Variants in TMEM130 observed in about 807,000 individuals in gnomAD.
TMEM130 encodes the protein transmembrane protein 130.
A neutral mutation model predicts 42.9 loss-of-function variants in TMEM130; 37 were observed. The observed-to-expected ratio is 0.86, with a 90% CI of 0.66 to 1.13. The LOEUF (loss-of-function observed/expected upper bound fraction) is 1.13. Among genes scored for constraint, TMEM130 ranks in the 50% most tolerant of loss-of-function variants. TMEM130 has a pLI of 0.00. For missense variants in TMEM130, 545 were observed against 562.6 expected (o/e 0.97, Z 0.32); for synonymous variants, 259 against 237.7 (o/e 1.09, Z -0.82).
chr7:98,869,057 C>A lies in TMEM130; in HGVS notation c.85+720G>T, dbSNP rs1376423618. On this transcript the variant is annotated intron_variant, in intron 1 of 7. Coordinates refer to ENST00000339375, the MANE Select transcript of TMEM130 (RefSeq NM_152913.3). This position sits in a 1 kb window ranked among gnomAD's most constrained non-coding sequence, Gnocchi z 4.7. ...TCAACCTTCTTAGCTGCCCACGTCCCATCTGTCCCTCGAATAGTCTTAAAT... is the reference window on the plus strand; with the variant it reads ...TCAACCTTCTTAGCTGCCCACGTCCAATCTGTCCCTCGAATAGTCTTAAAT... 15 of 606,556 alleles carry A rather than the reference C, an allele frequency of 2.5e-5. No individual in the cohort carries two copies. In the African/African-American group the frequency reaches 3.0e-4, roughly 12 times the overall value. The allele number at this position is 606,556 out of a possible 1,614,324, so 37.6% of individuals were successfully genotyped here.
chr7:98,848,541 G>T, intron 7 of TMEM130, 42 bp downstream of exon 7: 1 of 1,368,908 alleles, frequency 7.3e-7, no homozygotes, highest in Non-Finnish European at 1.0e-6. Flanking sequence ...TCCTCTCTAG[G>T]CAAGGCCCAG....
rs1794991471 is a variant in TMEM130, at chr7:98,869,812, C to T, written c.50G>A (p.Cys17Tyr). 6.9e-7 allele frequency: 1 copy of T among 1,443,632 alleles called. No individual in the cohort carries two copies. The highest frequency in any genetic ancestry group is 9.1e-7 in the Non-Finnish European group (1 of 1,098,994). The allele number at this position is 1,443,632 out of a possible 1,614,324, so 89.4% of individuals were successfully genotyped here. Residue 17 changes from cysteine (C) to tyrosine (Y), a missense_variant, in exon 1 of 8, where the codon TGC becomes TAC. Transcript: ENST00000339375. This position sits in a 1 kb window ranked among gnomAD's most constrained non-coding sequence, Gnocchi z 4.7. ...SRLGRILWLA[C>Y]LLPWAPAGVA... ...CCCTGCCGGGGCCCAGGGCAGGAGG[C>T]AGGCAAGCCAGAGGATGCGGCCGAG...
At chr7:98,850,273 A>ATATATATATATATATTTTTTTTTTTTTTT in intron 6 of TMEM130, among the ~76,000 whole-genome samples, 5 of 35,462 alleles carry the variant, frequency 1.4e-4, no homozygotes, top group Non-Finnish European at 1.9e-4. Flanking sequence ...ATATATATAT[A>ATATATATATATATATTTTTTTTTTTTTTT]TTTTTTTTTT....
In TMEM130 at chr7:98,863,167, C is replaced by G. The variant is rs782267274; in HGVS notation, c.319G>C (p.Val107Leu). ...GHVPGEFPVS[V>L]WVTAADCWMC... ...CAGCAGTCAGCGGCAGTGACCCAGACAGAGACCGGGAATTCCCCGGGCACG... is the reference window on the plus strand; with the variant it reads ...CAGCAGTCAGCGGCAGTGACCCAGAGAGAGACCGGGAATTCCCCGGGCACG... Residue 107 changes from valine to leucine, a missense_variant, in exon 2 of 8, where the codon GTC (valine) becomes CTC (leucine). Physicochemically the swap from Val to Leu is conservative, Grantham distance 32 (BLOSUM62 1). Transcript: ENST00000339375. 6 of 1,614,104 alleles carry G rather than the reference C, an allele frequency of 3.7e-6. No individual in the cohort carries two copies. The highest frequency in any genetic ancestry group is 2.2e-5 in the South Asian group (2 of 91,084).
In TMEM130 at chr7:98,869,221, C is replaced by T. The variant is rs1353388875; in HGVS notation, c.85+556G>A. On this transcript the variant is annotated intron_variant, in intron 1 of 7. Transcript: ENST00000339375. The surrounding 1 kb of genome is among the most constrained non-coding windows in gnomAD (Gnocchi z 4.7). The stretch of plus-strand genomic sequence containing the variant: ...CACACACACCCCAGGAACCTGTCAG[C>T]TCCGGGTCCATTTTGGAAATCACCA... The T allele has an allele frequency of 1.6e-6, 2 of 1,288,916 alleles. No homozygotes were observed. Among genetic ancestry groups the T allele is most frequent in the African/African-American group, 3.0e-5 (2 of 65,820 alleles). The allele number at this position is 1,288,916 out of a possible 1,614,324, so 79.8% of individuals were successfully genotyped here. A position where few individuals can be genotyped will look rare whatever the true frequency, so the allele number is the denominator to read the frequency against.
chr7:98,863,782 CCCT>C (rs1194899592), intron 1 of TMEM130, among the ~76,000 whole-genome samples: 3 of 147,820 alleles, frequency 2.0e-5, no homozygotes, highest in Non-Finnish European at 3.0e-5. Flanking sequence ...CTCTCTCCCT[CCCT>C]CCTCTCTTTT....
chr7:98,850,186 A>G (rs1794454082), intron 6 of TMEM130, among the ~76,000 whole-genome samples: 2 of 146,796 alleles, frequency 1.4e-5, no homozygotes, highest in Non-Finnish European at 3.0e-5. Context: ...GTAGCATAGC[A>G]GAGACCTACA....
chr7:98,860,210 A>AGTTG lies in TMEM130; in HGVS notation c.519_520insCAAC (p.Leu174GlnfsTer18), dbSNP rs781861359. 2 of 1,614,054 alleles carry AGTTG rather than the reference A, an allele frequency of 1.2e-6. No homozygotes were observed. The highest frequency in any genetic ancestry group is 1.7e-6 in the Non-Finnish European group (2 of 1,179,966). On this transcript the variant is annotated frameshift_variant, in exon 3 of 8. Transcript: ENST00000339375. LOFTEE classifies it high-confidence loss of function. ...CCGAAGTCCCAGCTGTAGAGAAACA[A>AGTTG]GGCGGTCTTGAGGAAGTTGCTCGGG...
chr7:98,863,639 C>T (rs551943335), intron 1 of TMEM130, among the ~76,000 whole-genome samples: 1 of 146,986 alleles, frequency 6.8e-6, no homozygotes, highest in South Asian at 2.2e-4. Flanking sequence ...CCCTCCCTCC[C>T]TCCTTCTTCC....
intron 3 of TMEM130, among the ~76,000 whole-genome samples, chr7:98,856,896 ATCTC>A (rs1224605496): frequency 2.0e-5 from 3 of 150,416 alleles, no homozygotes; most frequent in South Asian, 2.1e-4. Context: ...TGTACTTTTT[ATCTC>A]TCTCTCCCTT....
At chr7:98,857,498 G>A (rs1207781919) in intron 3 of TMEM130, among the ~76,000 whole-genome samples, 3 of 152,016 alleles carry the variant, frequency 2.0e-5, no homozygotes, top group Non-Finnish European at 2.9e-5. Context: ...CCAGAAGTTC[G>A]AGACCAGCCT....
intron 4 of TMEM130, 109 bp downstream of exon 4, chr7:98,855,908 G>A (rs1288824875): frequency 3.9e-6 from 5 of 1,293,976 alleles, no homozygotes; most frequent in Non-Finnish European, 3.2e-6. Context: ...AGAGGTCTGT[G>A]GGGCTCCAGA....
At chr7:98,860,387 C>T (rs150759197) in intron 2 of TMEM130, 49 bp from the exon 3 acceptor site, 7 of 1,525,870 alleles carry the variant, frequency 4.6e-6, no homozygotes, top group Non-Finnish European at 6.2e-6. Context: ...ATTCAGGGAT[C>T]AGGAAACCAG....
In TMEM130 at chr7:98,860,223, G is replaced by A. The variant is rs1794734507; in HGVS notation, c.507C>T (p.Phe169=). 1.2e-6 allele frequency: 2 copies of A among 1,614,016 alleles called. No individual in the cohort carries two copies. The highest frequency in any genetic ancestry group is 3.3e-5 in the Admixed American group (2 of 59,984). The part of the protein sequence containing the change: ...VSFLLHDPSN[F]LKTALFLYSW... ...TGTAGAGAAACAAGGCGGTCTTGAG[G>A]AAGTTGCTCGGGTCGTGGAGGAGGA... Residue 169 remains phenylalanine, a synonymous_variant, in exon 3 of 8, where the codon TTC becomes TTT. Transcript: ENST00000339375.
intron 1 of TMEM130, among the ~76,000 whole-genome samples, chr7:98,867,606 A>G (rs1584247935): frequency 6.6e-6 from 1 of 151,882 alleles, no homozygotes; most frequent in Admixed American, 6.6e-5. Context: ...ATCGGTTGCC[A>G]GGGGAATGGA....
Position 98,863,206 on chromosome 7 carries a change from G to C in TMEM130, c.280C>G (p.Arg94Gly). The change falls in exon 2 of 8, where the codon CGT (arginine) becomes GGT (glycine). Residue 94 changes from arginine (R) to glycine (G), a missense_variant. By Grantham distance (125) the Arg-to-Gly change is moderately radical. Coordinates refer to ENST00000339375, the MANE Select transcript of TMEM130 (RefSeq NM_152913.3). ...TCCCCGGGCACGTGGCCGACCACAC[G>C]GATGGTGGAGCTGAGACCCTTCTCC... ...KMEKGLSSTIRVVGHVPGEFP... is the reference protein window; with the variant it reads ...KMEKGLSSTIGVVGHVPGEFP... 6.2e-7 allele frequency: 1 copy of C among 1,614,102 alleles called. No homozygotes were observed. The highest frequency in any genetic ancestry group is 8.5e-7 in the Non-Finnish European group (1 of 1,180,024).
chr7:98,857,351 T>C (rs1207872528), intron 3 of TMEM130, among the ~76,000 whole-genome samples: 2 of 152,078 alleles, frequency 1.3e-5, no homozygotes, highest in Non-Finnish European at 2.9e-5. Flanking sequence ...ATGCAACGAC[T>C]CCCCAGAGGT....
chr7:98,869,754 G>A lies in TMEM130; in HGVS notation c.85+23C>T. ...CCCGGGCGGGCTGCGGCTGCAGGGAGGCCGGATTGCCCAGCGCCTTACCTG... is the reference window on the plus strand; with the variant it reads ...CCCGGGCGGGCTGCGGCTGCAGGGAAGCCGGATTGCCCAGCGCCTTACCTG... On this transcript the variant is annotated intron_variant, in intron 1 of 7. Coordinates refer to ENST00000339375, the MANE Select transcript of TMEM130 (RefSeq NM_152913.3). This position sits in a 1 kb window ranked among gnomAD's most constrained non-coding sequence, Gnocchi z 4.7. 7.4e-7 allele frequency: 1 copy of A among 1,360,150 alleles called. No individual in the cohort carries two copies. The highest frequency in any genetic ancestry group is 3.1e-5 in the East Asian group (1 of 32,494). 84.3% of individuals were successfully genotyped at this position (1,360,150 alleles called of 1,614,324 possible).
chr7:98,854,075 T>C (rs1372353000), intron 5 of TMEM130, among the ~76,000 whole-genome samples: 1 of 148,636 alleles, frequency 6.7e-6, no homozygotes, highest in Non-Finnish European at 1.5e-5. Context: ...TCTTGCTCTG[T>C]CGCCCAGGCT....
Sources: allele counts gnomAD v4.1 joint callset (sites outside exome capture counted in the v4.1 genomes callset), GRCh38; gene constraint gnomAD v4.1.1; non-coding constraint Gnocchi (gnomAD v3.1); transcripts MANE v1.5; gene names NCBI Gene and HGNC (gene_info 2026-07-23, HGNC 2026-07-21).